Variants in EDEM3 observed in about 807,000 individuals in gnomAD.
The protein encoded by EDEM3 is ER degradation enhancing alpha-mannosidase like protein 3, also known as ER degradation-enhancing alpha-mannosidase-like protein 3.
A neutral mutation model predicts 110.2 loss-of-function variants in EDEM3; 60 were observed. The ratio of observed to expected loss-of-function variants is 0.54; its 90% CI spans 0.44 to 0.67. The LOEUF is 0.67. Ranked by LOEUF, EDEM3 falls within the 30% of genes least tolerant of loss-of-function variation. The pLI is 0.00. For missense variants in EDEM3, 996 were observed against 1,121.0 expected (o/e 0.89, Z 1.59); for synonymous variants, 352 against 382.9 (o/e 0.92, Z 0.94).
chr1:184,752,632 T>C (rs1022712901), intron 1 of EDEM3, among the ~76,000 whole-genome samples: 4 of 152,358 alleles, frequency 2.6e-5, no homozygotes, highest in South Asian at 2.1e-4. Context: ...ATTTATCCAA[T>C]GACTCTTTTA....
At chr1:184,736,381 T>C (rs1052909353) in intron 4 of EDEM3, among the ~76,000 whole-genome samples, 1 of 152,188 alleles carries the variant, frequency 6.6e-6, no homozygotes, top group Non-Finnish European at 1.5e-5. Context: ...GGATATTAAC[T>C]GGAAGTTGAG....
At chr1:184,733,060 G>A (rs1651616751) in intron 5 of EDEM3, 70 bp from the exon 6 acceptor site, 6 of 1,481,662 alleles carry the variant, frequency 4.0e-6, no homozygotes, top group Non-Finnish European at 5.4e-6. Flanking sequence ...AAAAAGGTGT[G>A]GGTACTTTGT....
At chr1:184,726,864 GTA>G (rs1012276466) in intron 6 of EDEM3, among the ~76,000 whole-genome samples, 11 of 152,176 alleles carry the variant, frequency 7.2e-5, no homozygotes, top group African/African-American at 2.4e-4. Context: ...GATTGTTATG[GTA>G]TACATTTGAA....
At chr1:184,695,500 T>G (rs1638956245) in intron 19 of EDEM3, among the ~76,000 whole-genome samples, 1 of 152,172 alleles carries the variant, frequency 6.6e-6, no homozygotes, top group East Asian at 1.9e-4. Flanking sequence ...CATCCTCCCA[T>G]GTACTTTAAA....
chr1:184,727,178 G>C (rs1056016995), intron 6 of EDEM3, among the ~76,000 whole-genome samples: 7 of 152,194 alleles, frequency 4.6e-5, no homozygotes. Context: ...TGTAATCCCA[G>C]CTACCTGGGA....
rs879036859 is a variant in EDEM3 at position 184,726,483 on chromosome 1, T to A, written c.613-94A>T. On this transcript the variant is annotated intron_variant, in intron 6 of 19. Transcript: ENST00000318130. ...TCAATCAAGTCTTTGTATAAAATCA[T>A]GAAAATAATTCATAAAATAACTAAA... The A allele has an allele frequency of 1.3e-5, 17 of 1,329,332 alleles. No homozygotes were observed. In the South Asian group the frequency reaches 2.5e-4, roughly 19 times the overall value. 82.3% of individuals were successfully genotyped at this position (1,329,332 alleles called of 1,614,324 possible).
At chr1:184,710,718 AG>A (rs1406724641) in intron 15 of EDEM3, among the ~76,000 whole-genome samples, 171 bp from the exon 16 acceptor site, 1 of 152,252 alleles carries the variant, frequency 6.6e-6, no homozygotes, top group Non-Finnish European at 1.5e-5. Context: ...CAAGTGGTAT[AG>A]CTTTCAAATA....
At position 184,710,436 on chromosome 1, in the gene EDEM3, G is replaced by A; in HGVS notation, c.1803C>T (p.His601=). The change falls in exon 16 of 20, where the codon CAC becomes CAT. Residue 601 remains histidine, a synonymous_variant. Transcript: ENST00000318130. Reference sequence around the variant, plus strand: ...CCAACTGGACTCTCCCATCTTTGAGGTGAATCAAACTCACCCCCATCTTCT... The same window carrying A: ...CCAACTGGACTCTCCCATCTTTGAGATGAATCAAACTCACCCCCATCTTCT... ...ILKKMGVSLI[H]LKDGRVQLVQ... is the part of the protein sequence containing the mutation. 2 of 1,613,910 alleles carry A rather than the reference G, an allele frequency of 1.2e-6. No homozygotes were observed. The highest frequency in any genetic ancestry group is 1.7e-6 in the Non-Finnish European group (2 of 1,179,898).
intron 6 of EDEM3, among the ~76,000 whole-genome samples, chr1:184,728,535 C>T (rs1651316502): frequency 6.6e-6 from 1 of 151,994 alleles, no homozygotes; most frequent in African/African-American, 2.4e-5. Context: ...TATTTATTAA[C>T]ACAATTATCT....
In EDEM3 at chr1:184,722,370, T is replaced by C. The variant is rs556577569; in HGVS notation, c.854-984A>G. 2.1e-3 allele frequency among the ~76,000 whole-genome samples: 314 copies of C among 152,138 alleles called. 1 individual carries two copies. The highest frequency in any genetic ancestry group is 7.2e-3 in the African/African-American group (298 of 41,556). The stretch of plus-strand genomic sequence containing the variant: ...ATGATATGGTAACCACACTGTACTA[T>C]TTAATTCACAGATGTAGGAAAATAT... On this transcript the variant is annotated intron_variant, in intron 8 of 19. Coordinates refer to ENST00000318130, the MANE Select transcript of EDEM3 (RefSeq NM_025191.4).
At chr1:184,731,545 T>C (rs968471576) in intron 6 of EDEM3, among the ~76,000 whole-genome samples, 4 of 152,326 alleles carry the variant, frequency 2.6e-5, no homozygotes, top group Admixed American at 2.6e-4. Flanking sequence ...ACTTCACGGT[T>C]CTCCTCTTAA....
At chr1:184,699,273 C>T (rs1465408104) in intron 19 of EDEM3, among the ~76,000 whole-genome samples, 2 of 151,720 alleles carry the variant, frequency 1.3e-5, no homozygotes, top group Non-Finnish European at 1.5e-5. Context: ...AACTATTTAA[C>T]TATCATAGTA....
At chr1:184,707,362 G>A (rs187996228) in intron 17 of EDEM3, among the ~76,000 whole-genome samples, 201 of 152,304 alleles carry the variant, frequency 1.3e-3, no homozygotes, top group African/African-American at 4.7e-3. Context: ...CTATAAAGAT[G>A]TTTTAATATC....
At chr1:184,749,467 G>T in intron 2 of EDEM3, 80 bp downstream of exon 2, 1 of 1,091,614 alleles carries the variant, frequency 9.2e-7, no homozygotes, top group Non-Finnish European at 1.3e-6. Flanking sequence ...TGTATTGTAG[G>T]TTTCAAAATT....
At chr1:184,708,721 A>G (rs550996253) in intron 16 of EDEM3, among the ~76,000 whole-genome samples, 1 of 152,366 alleles carries the variant, frequency 6.6e-6, no homozygotes, top group South Asian at 2.1e-4. Flanking sequence ...GTGAACAACC[A>G]GATTCAATTT....
intron 19 of EDEM3, among the ~76,000 whole-genome samples, chr1:184,695,192 T>C (rs1032621493): frequency 6.6e-6 from 1 of 151,994 alleles, no homozygotes; most frequent in African/African-American, 2.4e-5. Flanking sequence ...AGTGCTTAAA[T>C]AGCATCGACG....
chr1:184,710,353 C>G, intron 16 of EDEM3, 41 bp downstream of exon 16: 4 of 1,585,514 alleles, frequency 2.5e-6, no homozygotes, highest in Non-Finnish European at 3.4e-6. Flanking sequence ...CCAAAGAAAG[C>G]AGGGCAGAGA....
Position 184,694,571 on chromosome 1 carries a change from C to T in EDEM3, c.2390-99G>A, listed in dbSNP as rs930229815. 3.3e-5 allele frequency: 39 copies of T among 1,168,894 alleles called. No homozygotes were observed. In the Admixed American group the frequency reaches 4.6e-4, roughly 14 times the overall value. 72.4% of individuals were successfully genotyped at this position (1,168,894 alleles called of 1,614,324 possible). On this transcript the variant is annotated intron_variant, in intron 19 of 19. Transcript: ENST00000318130. ...GTTTTTGCAACAAGATGAAATAAAA[C>T]GTGAAAGAGACTCATGTTAATGCAG...
At chr1:184,718,682 A>G (rs1444641899) in intron 11 of EDEM3, among the ~76,000 whole-genome samples, 1 of 152,192 alleles carries the variant, frequency 6.6e-6, no homozygotes, top group East Asian at 1.9e-4. Flanking sequence ...ATCAGGAAGA[A>G]TAATTCTCAA....
Sources: gnomAD v4.1 joint callset for allele counts (sites outside exome capture counted in the v4.1 genomes callset) on GRCh38, gnomAD v4.1.1 for gene constraint, MANE v1.5 for transcripts, NCBI Gene and HGNC (gene_info 2026-07-23, HGNC 2026-07-21) for gene names.